KLHL32: variants seen among roughly 807,000 people sequenced by gnomAD.
The protein encoded by KLHL32 is kelch-like protein 32.
Under a neutral mutation model 64.8 loss-of-function variants are expected in KLHL32, and 35 were observed. That is an observed-to-expected ratio of 0.54 (90% CI 0.41 to 0.72). The LOEUF (loss-of-function observed/expected upper bound fraction) is 0.72. KLHL32 is among the 30% of genes least tolerant of loss of function. The probability of loss-of-function intolerance (pLI) is 0.00; values close to 1 mark genes in which losing one functional copy is unlikely to be tolerated. For missense variants in KLHL32, 589 were observed against 768.5 expected (o/e 0.77, Z 2.76); for synonymous variants, 259 against 281.0 (o/e 0.92, Z 0.78).
chr6:97,030,311 T>C (rs1014414428), intron 3 of KLHL32, among the ~76,000 whole-genome samples: 4 of 152,254 alleles, frequency 2.6e-5, no homozygotes, highest in African/African-American at 4.8e-5. Context: ...ACTAATCTTG[T>C]GTCTGCATGA....
chr6:97,034,584 T>C (rs1784029084), intron 3 of KLHL32, among the ~76,000 whole-genome samples: 1 of 152,110 alleles, frequency 6.6e-6, no homozygotes, highest in Non-Finnish European at 1.5e-5. Context: ...GTGTTGAATG[T>C]ATAGATCATT....
intron 1 of KLHL32, among the ~76,000 whole-genome samples, chr6:96,952,193 C>A (rs1244697110): frequency 6.6e-6 from 1 of 151,998 alleles, no homozygotes; most frequent in East Asian, 1.9e-4. Context: ...CCACCCAAGA[C>A]CTTGAACTGG....
intron 2 of KLHL32, among the ~76,000 whole-genome samples, chr6:96,968,959 G>A (rs534436015): frequency 6.6e-6 from 1 of 152,274 alleles, no homozygotes; most frequent in East Asian, 1.9e-4. Context: ...GAAAGCCACA[G>A]CCACAAAAAC....
chr6:96,929,497 T>G (rs1304134211), intron 1 of KLHL32, among the ~76,000 whole-genome samples: 1 of 152,186 alleles, frequency 6.6e-6, no homozygotes, highest in Non-Finnish European at 1.5e-5. Flanking sequence ...GAGCAGAACT[T>G]AAGAATTTAT....
At chr6:97,060,737 A>G (rs1440620728) in intron 4 of KLHL32, among the ~76,000 whole-genome samples, 1 of 152,120 alleles carries the variant, frequency 6.6e-6, no homozygotes, top group Non-Finnish European at 1.5e-5. Flanking sequence ...TCCTACCAGG[A>G]GGGTGATTGG....
intron 6 of KLHL32, among the ~76,000 whole-genome samples, chr6:97,100,511 T>C (rs951016567): frequency 6.6e-6 from 1 of 152,214 alleles, no homozygotes; most frequent in African/African-American, 2.4e-5. Context: ...CCCATGCCAG[T>C]CTCTGTGCCC....
intron 4 of KLHL32, among the ~76,000 whole-genome samples, chr6:97,050,550 GA>G (rs1562280908): frequency 6.6e-6 from 1 of 152,112 alleles, no homozygotes; most frequent in African/African-American, 2.4e-5. Context: ...AGGCAAGCAG[GA>G]AAATAGGGAA....
At chr6:96,956,233 T>G (rs1773259189) in intron 1 of KLHL32, among the ~76,000 whole-genome samples, 1 of 152,166 alleles carries the variant, frequency 6.6e-6, no homozygotes, top group African/African-American at 2.4e-5. Flanking sequence ...CACTTGGGAA[T>G]TCAAGATGAG....
At chr6:96,905,779 T>C in the KLHL32 span, among the ~76,000 whole-genome samples, 2 of 152,216 alleles carry the variant, frequency 1.3e-5, no homozygotes, top group Non-Finnish European at 2.9e-5. Context: ...ACTTTATGGC[T>C]TAGAAGTTAG....
At chr6:97,082,335 T>C (rs530748510) in intron 5 of KLHL32, among the ~76,000 whole-genome samples, 40 of 152,192 alleles carry the variant, frequency 2.6e-4, no homozygotes, top group African/African-American at 8.4e-4. Flanking sequence ...CAGTTTAGGC[T>C]GGGAGCGGTG....
intron 4 of KLHL32, among the ~76,000 whole-genome samples, chr6:97,056,493 T>C (rs1414267781): frequency 2.0e-5 from 3 of 152,232 alleles, no homozygotes; most frequent in East Asian, 3.9e-4. Flanking sequence ...CCGTCACTCC[T>C]TTCCAGGTGG....
Position 96,935,630 on chromosome 6 carries a change from A to C in KLHL32, c.-66+10604A>C, listed in dbSNP as rs184959399. On this transcript the variant is annotated intron_variant, in intron 1 of 10. Coordinates refer to ENST00000369261, the MANE Select transcript of KLHL32 (RefSeq NM_052904.4). Reference sequence around the variant, plus strand: ...AATTATCTTTTTGGCCATCTGTGCCAAATTATAGGGAGTAATAGCCTTGGG... The same window carrying C: ...AATTATCTTTTTGGCCATCTGTGCCCAATTATAGGGAGTAATAGCCTTGGG... Among the ~76,000 whole-genome samples, 5 of 152,334 alleles carry C rather than the reference A, an allele frequency of 3.3e-5. No homozygotes were observed. In the East Asian group the frequency reaches 9.7e-4, roughly 29 times the overall value.
chr6:97,085,464 G>T, intron 6 of KLHL32, 123 bp downstream of exon 6: 1 of 794,112 alleles, frequency 1.3e-6, no homozygotes, highest in Non-Finnish European at 2.0e-6. Context: ...TGTTTTAGAA[G>T]TCATGCTTCC....
chr6:97,114,714 G>A, intron 7 of KLHL32: 2 of 634,386 alleles, frequency 3.2e-6, no homozygotes, highest in Non-Finnish European at 5.4e-6. Context: ...CTTTCTGAGT[G>A]ACTAATGGAA....
intron 3 of KLHL32, among the ~76,000 whole-genome samples, chr6:96,986,562 T>G (rs556564787): frequency 1.3e-4 from 20 of 152,324 alleles, no homozygotes; most frequent in African/African-American, 4.6e-4. Flanking sequence ...TACTCAAGCC[T>G]TGGCAATGGC....
intron 6 of KLHL32, among the ~76,000 whole-genome samples, chr6:97,107,098 T>C (rs886411047): frequency 1.3e-5 from 2 of 152,088 alleles, no homozygotes; most frequent in Non-Finnish European, 2.9e-5. Context: ...CGAGACCATC[T>C]TGGCTAACAC....
chr6:96,912,378 A>C, the KLHL32 span, among the ~76,000 whole-genome samples: 8 of 152,204 alleles, frequency 5.3e-5, no homozygotes, highest in Non-Finnish European at 1.0e-4. Context: ...CTTTCTCTGT[A>C]GCTTCCATAT....
intron 1 of KLHL32, among the ~76,000 whole-genome samples, chr6:96,954,509 C>T (rs1773035554): frequency 6.6e-6 from 1 of 152,034 alleles, no homozygotes; most frequent in Non-Finnish European, 1.5e-5. Flanking sequence ...TGATGTCAGA[C>T]TTCTTAGGTT....
intron 6 of KLHL32, among the ~76,000 whole-genome samples, chr6:97,100,777 C>A: frequency 7.0e-6 from 1 of 141,848 alleles, no homozygotes. Flanking sequence ...TGAACGTGCT[C>A]TTGTGCTCTT....
Sources: allele counts gnomAD v4.1 joint callset (sites outside exome capture counted in the v4.1 genomes callset), GRCh38; gene constraint gnomAD v4.1.1; transcripts MANE v1.5; gene names NCBI Gene and HGNC (gene_info 2026-07-23, HGNC 2026-07-21).